The following C7 variants were observed in gnomAD, a reference collection of about 807,000 sequenced individuals.
C7 encodes complement C7, also known as complement component C7.
In C7, 83 loss-of-function variants were observed where a neutral mutation model predicts 104.8. The observed-to-expected ratio is 0.79, with a 90% CI of 0.66 to 0.95. C7 has a LOEUF of 0.95. Among genes scored for constraint, C7 ranks in the 40% least tolerant of loss-of-function variants. The probability of loss-of-function intolerance (pLI) is 0.00; values close to 1 mark genes in which losing one functional copy is unlikely to be tolerated. For missense variants in C7, 1,070 were observed against 1,011.2 expected (o/e 1.06, Z -0.79); for synonymous variants, 415 against 360.6 (o/e 1.15, Z -1.71).
chr5:40,947,683 G>A lies in C7; in HGVS notation c.820G>A (p.Glu274Lys), dbSNP rs1443592141. 6.2e-7 allele frequency: 1 copy of A among 1,613,704 alleles called. No homozygotes were observed. Among genetic ancestry groups the A allele is most frequent in the East Asian group, 2.2e-5 (1 of 44,870 alleles). The change falls in exon 8 of 18, where the codon GAG (glutamate) becomes AAG (lysine). Residue 274 changes from glutamate to lysine, a missense_variant. Glu to Lys is a moderately conservative substitution (Grantham distance 56, BLOSUM62 1). Transcript: ENST00000313164. ...NNNPEFLQLAEPFWKELSHLP... is the reference protein window; with the variant it reads ...NNNPEFLQLAKPFWKELSHLP... ...CAATCCAGAATTTTTACAACTTGCT[G>A]AGCCATTCTGGAAGGAGCTTTCCCA...
chr5:40,955,475 C>A lies in C7; in HGVS notation c.1182C>A (p.Asp394Glu). Residue 394 changes from aspartate to glutamate, a missense_variant, in exon 10 of 18, where the codon GAC becomes GAA. Asp to Glu is a conservative substitution (Grantham distance 45). Coordinates refer to ENST00000313164, the MANE Select transcript of C7 (RefSeq NM_000587.4). Reference protein sequence around the residue: ...FISGLSYLELDNPAGNKRRYS... With the variant: ...FISGLSYLELENPAGNKRRYS... ...CTGGCCTTAGTTACCTAGAGCTGGA[C>A]AATCCTGCTGGAAACAAAAGGCGAT... 1 of 1,613,324 alleles carries A rather than the reference C, an allele frequency of 6.2e-7. No individual in the cohort carries two copies. Among genetic ancestry groups the A allele is most frequent in the Non-Finnish European group, 8.5e-7 (1 of 1,179,504 alleles).
chr5:40,949,977 A>G lies in C7; in HGVS notation c.1056A>G (p.Gly352=). ...TTGTCGTTAAATTTTCAAGTCATGG[A>G]TGCAAGGAACTGGAAAACGCTTTAA... ...WHFVVKFSSH[G]CKELENALKA... is the part of the protein sequence containing the mutation. The change falls in exon 9 of 18, where the codon GGA becomes GGG. Residue 352 remains glycine, a synonymous_variant. Coordinates refer to ENST00000313164, the MANE Select transcript of C7 (RefSeq NM_000587.4). The G allele has an allele frequency of 6.2e-7, 1 of 1,600,648 alleles. No homozygotes were observed. Among genetic ancestry groups the G allele is most frequent in the African/African-American group, 1.3e-5 (1 of 74,870 alleles).
At chr5:40,945,096 A>C (rs374754410) in intron 6 of C7, 102 bp from the exon 7 acceptor site, 2 of 650,272 alleles carry the variant, frequency 3.1e-6, no homozygotes, top group South Asian at 4.2e-5. Flanking sequence ...CTTTGTGCCA[A>C]TGAAGAGCTT....
intron 10 of C7, among the ~76,000 whole-genome samples, chr5:40,957,701 C>T (rs921494684): frequency 6.6e-6 from 1 of 151,854 alleles, no homozygotes; most frequent in South Asian, 2.1e-4. Context: ...GTGATCCCCC[C>T]TGCCGCAGCC....
intron 6 of C7, 59 bp from the exon 7 acceptor site, chr5:40,945,139 G>A: frequency 1.1e-6 from 1 of 880,526 alleles, no homozygotes; most frequent in Non-Finnish European, 1.7e-6. Flanking sequence ...AAGAAAGTAT[G>A]CATGATAAAG....
rs371472564 is a variant in C7 at position 40,971,418 on chromosome 5, C to CT, written c.1883-980dup. ...AATGTCTGTTCATATCCTTTGCCCA[C>CT]TTTTTGATGGGGTTGCTTGTTTTTC... On this transcript the variant is annotated intron_variant, in intron 14 of 17. Transcript: ENST00000313164. Among the ~76,000 whole-genome samples the CT allele has an allele frequency of 4.3e-3, 662 of 152,246 alleles. 5 individuals are homozygous for CT. The highest frequency in any genetic ancestry group is 0.015 in the African/African-American group (636 of 41,554).
chr5:40,937,736 A>C (rs1224685313), intron 6 of C7, 46 bp downstream of exon 6: 2 of 1,447,840 alleles, frequency 1.4e-6, no homozygotes, highest in African/African-American at 2.8e-5. Flanking sequence ...GTCAGAGAGC[A>C]TTATTTATAT....
In C7 at chr5:40,984,131, A is replaced by G. The variant is rs1371829062; in HGVS notation, c.*2558A>G. ...GTTTTGAGAAGTGCCTTCCTGTGAC[A>G]TCTTATGTATTTCCTAATTGATCAA... is the stretch of plus-strand genomic sequence containing the variant. On this transcript the variant is annotated 3_prime_UTR_variant, in exon 18 of 18. Transcript: ENST00000313164. Among the ~76,000 whole-genome samples, 3 of 152,184 alleles carry G rather than the reference A, an allele frequency of 2.0e-5. No homozygotes were observed. The highest frequency in any genetic ancestry group is 4.4e-5 in the Non-Finnish European group (3 of 68,028).
rs138558983 is a variant in C7, at chr5:40,918,949, GACACACAC to G, written c.6+9369_6+9376del. 7.4e-3 allele frequency among the ~76,000 whole-genome samples: 1,027 copies of G among 138,388 alleles called. 16 individuals carry two copies. The highest frequency in any genetic ancestry group is 0.037 in the East Asian group (175 of 4,750). The allele number at this position is 138,388 out of a possible 152,430, so 90.8% of individuals were successfully genotyped here. A position where few individuals can be genotyped will look rare whatever the true frequency, so the allele number is the denominator to read the frequency against. On this transcript the variant is annotated intron_variant, in intron 1 of 17. Coordinates refer to ENST00000313164, the MANE Select transcript of C7 (RefSeq NM_000587.4). ...CGCTTTAGACCTAATGAATCTAACA[GACACACAC>G]ACACACACACACACACACACACACA... is the stretch of plus-strand genomic sequence containing the variant.
intron 16 of C7, among the ~76,000 whole-genome samples, chr5:40,977,188 T>C (rs985062053): frequency 2.0e-5 from 3 of 152,166 alleles, no homozygotes; most frequent in African/African-American, 7.2e-5. Flanking sequence ...GCACATAAAC[T>C]CTTAAAGCAA....
At position 40,978,762 on chromosome 5, in the gene C7, C is replaced by T. The variant is rs79277586; in HGVS notation, c.2166-963C>T. ...TCAGTGACAGTAATGCCCTCCTTGT[C>T]TATCAGCATTCAGAAATGTGGAGTT... On this transcript the variant is annotated intron_variant, in intron 16 of 17. Coordinates refer to ENST00000313164, the MANE Select transcript of C7 (RefSeq NM_000587.4). Among the ~76,000 whole-genome samples the T allele has an allele frequency of 9.2e-3, 1,400 of 151,536 alleles. 48 individuals are homozygous for T. The East Asian group carries it at 0.13, about 14-fold the overall frequency.
intron 14 of C7, among the ~76,000 whole-genome samples, chr5:40,968,674 C>A (rs1444383801): frequency 1.6e-5 from 2 of 126,822 alleles, no homozygotes; most frequent in East Asian, 5.2e-4. Context: ...TGCAGTGGTG[C>A]AATCTTGGCT....
chr5:40,954,753 G>A (rs111748032), intron 9 of C7: 12,563 of 162,446 alleles, frequency 0.077, 633 homozygotes, highest in Non-Finnish European at 0.11. Context: ...GTGTGGTGGC[G>A]TACACCTGTA....
intron 12 of C7, among the ~76,000 whole-genome samples, chr5:40,960,938 G>A (rs140897929): frequency 6.6e-6 from 1 of 152,198 alleles, no homozygotes; most frequent in Non-Finnish European, 1.5e-5. Context: ...TGATGGTAAA[G>A]TGTCAGGATT....
rs73088363 is a variant in C7 at position 40,983,425 on chromosome 5, G to C, written c.*1852G>C. On this transcript the variant is annotated 3_prime_UTR_variant, in exon 18 of 18. Coordinates refer to ENST00000313164, the MANE Select transcript of C7 (RefSeq NM_000587.4). ...TCAGAGATTGAGGTTTGAAAGAAAG[G>C]AAATGAGTAGATGTAACTAAGAGGT... is the stretch of plus-strand genomic sequence containing the variant. Among the ~76,000 whole-genome samples, 27,228 of 152,122 alleles carry C rather than the reference G, an allele frequency of 0.18. 2,562 individuals are homozygous for C. The highest frequency in any genetic ancestry group is 0.24 in the African/African-American group (10,157 of 41,480).
intron 3 of C7, 75 bp from the exon 4 acceptor site, chr5:40,934,250 T>A: frequency 7.5e-7 from 1 of 1,326,426 alleles, no homozygotes; most frequent in Non-Finnish European, 9.9e-7. Context: ...ATTTTATTAC[T>A]CAGATAAAGG....
At chr5:40,942,715 C>T (rs116103105) in intron 6 of C7, among the ~76,000 whole-genome samples, 1,594 of 151,132 alleles carry the variant, frequency 0.011, 29 homozygotes, top group African/African-American at 0.037. Context: ...TTGAAAAGCA[C>T]GAATGGATTT....
Position 40,955,483 on chromosome 5 carries a change from C to T in C7, c.1190C>T (p.Ala397Val), listed in dbSNP as rs1190074007. 9.3e-6 allele frequency: 15 copies of T among 1,613,398 alleles called. No homozygotes were observed. Among genetic ancestry groups the T allele is most frequent in the Non-Finnish European group, 1.1e-5 (13 of 1,179,644 alleles). The change falls in exon 10 of 18, where the codon GCT becomes GTT. Residue 397 changes from alanine (A) to valine (V), a missense_variant. Coordinates refer to ENST00000313164, the MANE Select transcript of C7 (RefSeq NM_000587.4). ...GLSYLELDNP[A>V]GNKRRYSAWA... ...AGTTACCTAGAGCTGGACAATCCTGCTGGAAACAAAAGGCGATATTCTGCC... is the reference window on the plus strand; with the variant it reads ...AGTTACCTAGAGCTGGACAATCCTGTTGGAAACAAAAGGCGATATTCTGCC...
chr5:40,937,523 C>A, intron 5 of C7, 29 bp from the exon 6 acceptor site: 1 of 1,545,586 alleles, frequency 6.5e-7, no homozygotes, highest in Non-Finnish European at 8.7e-7. Flanking sequence ...CTTTTTATTT[C>A]CTCCTTCTCC....
Sources: gnomAD v4.1 joint callset for allele counts (sites outside exome capture counted in the v4.1 genomes callset) on GRCh38, gnomAD v4.1.1 for gene constraint, MANE v1.5 for transcripts, NCBI Gene and HGNC (gene_info 2026-07-23, HGNC 2026-07-21) for gene names.